The following SERPINB12 variants were observed in gnomAD, a reference collection of about 807,000 sequenced individuals.
SERPINB12 encodes serpin B12.
Under a neutral mutation model 41.1 loss-of-function variants are expected in SERPINB12, and 57 were observed. The observed-to-expected ratio is 1.39, with a 90% confidence interval of 1.12 to 1.73. The LOEUF (loss-of-function observed/expected upper bound fraction) is 1.73. Among genes scored for constraint, SERPINB12 ranks in the 40% most tolerant of loss-of-function variants. SERPINB12 has a pLI of 0.00. For synonymous variants in SERPINB12, 180 were observed against 181.3 expected, an observed-to-expected ratio of 0.99 and a Z score of 0.06; for missense variants, 536 against 501.9, an observed-to-expected ratio of 1.07 and a Z score of -0.65.
chr18:63,545,319 C>T (rs1273313726), intron 1 of SERPINB12, among the ~76,000 whole-genome samples: 2 of 151,722 alleles, frequency 1.3e-5, no homozygotes, highest in Non-Finnish European at 2.9e-5. Flanking sequence ...GTCACGGGTA[C>T]TAGAGAGGCT....
chr18:63,524,633 C>T, the SERPINB12 span, among the ~76,000 whole-genome samples: 16 of 151,958 alleles, frequency 1.1e-4, no homozygotes, highest in Non-Finnish European at 1.8e-4. Flanking sequence ...ACATTTGCAA[C>T]GTGCTCAGAA....
intron 1 of SERPINB12, among the ~76,000 whole-genome samples, chr18:63,545,497 C>T (rs956926305): frequency 2.6e-5 from 4 of 152,088 alleles, no homozygotes; most frequent in Non-Finnish European, 4.4e-5. Flanking sequence ...ATTGAGCAAT[C>T]GCACCACACC....
rs202131104 is a variant in SERPINB12, at chr18:63,558,412, A to T, written c.229A>T (p.Ser77Cys). The T allele has an allele frequency of 9.1e-5, 147 of 1,613,860 alleles. No individual in the cohort carries two copies. The highest frequency in any genetic ancestry group is 5.5e-4 in the Admixed American group (33 of 59,996). The stretch of plus-strand genomic sequence containing the variant: ...CAAAGAACCTGACCCTTGTCTGAAA[A>T]GCAACAAACAAAAAGTGCTGGCTGA... Reference protein sequence around the residue: ...ESKEPDPCLKSNKQKVLADSS... With the variant: ...ESKEPDPCLKCNKQKVLADSS... The change falls in exon 3 of 8, where the codon AGC becomes TGC. Residue 77 changes from serine (S) to cysteine (C), a missense_variant. Coordinates refer to ENST00000382768, the MANE Select transcript of SERPINB12 (RefSeq NM_001307928.2).
the SERPINB12 span, among the ~76,000 whole-genome samples, chr18:63,526,769 A>G: frequency 6.6e-6 from 1 of 152,208 alleles, no homozygotes; most frequent in Non-Finnish European, 1.5e-5. Flanking sequence ...TACATTTTAC[A>G]GTCACGTGTT....
chr18:63,544,609 C>T (rs550524854), intron 1 of SERPINB12, among the ~76,000 whole-genome samples: 37 of 152,162 alleles, frequency 2.4e-4, no homozygotes, highest in African/African-American at 8.7e-4. Flanking sequence ...ATCTCTATGT[C>T]TCTGTCATAT....
chr18:63,535,219 T>G, the SERPINB12 span, among the ~76,000 whole-genome samples: 4 of 152,244 alleles, frequency 2.6e-5, no homozygotes, highest in African/African-American at 9.6e-5. Context: ...AGGGCAAGCA[T>G]AGCTACAGTC....
intron 1 of SERPINB12, among the ~76,000 whole-genome samples, chr18:63,549,608 T>C (rs140107318): frequency 6.6e-6 from 1 of 152,208 alleles, no homozygotes; most frequent in Non-Finnish European, 1.5e-5. Context: ...TTGAGAAGGA[T>C]TTTTTGAGTA....
At chr18:63,543,236 T>G (rs1202353829) in intron 1 of SERPINB12, among the ~76,000 whole-genome samples, 1 of 152,208 alleles carries the variant, frequency 6.6e-6, no homozygotes, top group Non-Finnish European at 1.5e-5. Flanking sequence ...GGTCATCTAG[T>G]TGGACTGTAA....
At chr18:63,562,968 A>G (rs1436657863) in intron 5 of SERPINB12, among the ~76,000 whole-genome samples, 1 of 152,112 alleles carries the variant, frequency 6.6e-6, no homozygotes, top group East Asian at 1.9e-4. Flanking sequence ...TTTCAAGTGG[A>G]GCTTAGGGCT....
the SERPINB12 span, among the ~76,000 whole-genome samples, chr18:63,520,996 A>G: frequency 5.8e-4 from 89 of 152,360 alleles, no homozygotes; most frequent in Middle Eastern, 6.8e-3. Flanking sequence ...GGAGGATTAC[A>G]TAAGTTGTTT....
the SERPINB12 span, among the ~76,000 whole-genome samples, chr18:63,531,413 A>G: frequency 6.6e-6 from 1 of 152,228 alleles, no homozygotes; most frequent in Non-Finnish European, 1.5e-5. Flanking sequence ...TATCAAACTC[A>G]GATAGCATTG....
intron 6 of SERPINB12, 121 bp downstream of exon 6, chr18:63,564,241 G>A: frequency 9.6e-7 from 1 of 1,042,468 alleles, no homozygotes; most frequent in Non-Finnish European, 1.4e-6. Context: ...ATTTTTCGTT[G>A]ATAAGAACCA....
chr18:63,565,246 C>T (rs568371387), intron 6 of SERPINB12, among the ~76,000 whole-genome samples, 199 bp from the exon 7 acceptor site: 20 of 152,190 alleles, frequency 1.3e-4, no homozygotes, highest in Admixed American at 2.6e-4. Flanking sequence ...AAAAAAGACA[C>T]GGAAAGATAA....
Position 63,558,999 on chromosome 18 carries a change from CTTCCTTCTTTCTTTCT to C in SERPINB12, c.303+517_303+532del, listed in dbSNP as rs879479667. Among the ~76,000 whole-genome samples, 180 of 114,782 alleles carry C rather than the reference CTTCCTTCTTTCTTTCT, an allele frequency of 1.6e-3. 2 individuals are homozygous for C. The highest frequency in any genetic ancestry group is 6.7e-3 in the Admixed American group (74 of 10,994). 75.3% of individuals were successfully genotyped at this position (114,782 alleles called of 152,430 possible). A position where few individuals can be genotyped will look rare whatever the true frequency, so the allele number is the denominator to read the frequency against. On this transcript the variant is annotated intron_variant, in intron 3 of 7. Transcript: ENST00000382768. ...ATAGATGATTGTCTTTCTTTCTTTC[CTTCCTTCTTTCTTTCT>C]TTCTTTCTTTCTTTCTTTCTTTCTT...
chr18:63,537,288 T>TTAGGAGGAACTCCTAATAA, the SERPINB12 span, among the ~76,000 whole-genome samples: 1 of 152,182 alleles, frequency 6.6e-6, no homozygotes, highest in Non-Finnish European at 1.5e-5. Context: ...ATAAGCTACA[T>TTAGGAGGAACTCCTAATAA]GTTCCTCCAG....
intron 1 of SERPINB12, among the ~76,000 whole-genome samples, chr18:63,548,343 T>C (rs1205741562): frequency 6.6e-6 from 1 of 152,114 alleles, no homozygotes; most frequent in Non-Finnish European, 1.5e-5. Context: ...AAGCTAACAA[T>C]GTAAGTTAAA....
At chr18:63,525,714 C>T in the SERPINB12 span, among the ~76,000 whole-genome samples, 3 of 151,926 alleles carry the variant, frequency 2.0e-5, no homozygotes, top group South Asian at 6.2e-4. Flanking sequence ...AACAATTATA[C>T]CTAGATTACT....
chr18:63,538,953 C>T (rs929901901), upstream of SERPINB12, among the ~76,000 whole-genome samples: 7 of 152,122 alleles, frequency 4.6e-5, no homozygotes, highest in Non-Finnish European at 8.8e-5. Context: ...TAATATTGGT[C>T]ATTTAAAAAT....
At chr18:63,523,347 A>G in the SERPINB12 span, among the ~76,000 whole-genome samples, 3 of 152,352 alleles carry the variant, frequency 2.0e-5, no homozygotes, top group Admixed American at 2.0e-4. Context: ...AACATGAAGC[A>G]CAAGAAATGA....
Sources: gnomAD v4.1 joint callset for allele counts (sites outside exome capture counted in the v4.1 genomes callset) on GRCh38, gnomAD v4.1.1 for gene constraint, MANE v1.5 for transcripts, NCBI Gene and HGNC (gene_info 2026-07-23, HGNC 2026-07-21) for gene names.